Variants in PDE10A observed in about 807,000 individuals in gnomAD.
PDE10A encodes cAMP and cAMP-inhibited cGMP 3',5'-cyclic phosphodiesterase 10A.
PDE10A carries 39 observed loss-of-function variants against 97.7 expected under a neutral mutation model. That is an observed-to-expected ratio of 0.40 (90% CI 0.31 to 0.52). PDE10A has a LOEUF of 0.52. Among genes scored for constraint, PDE10A ranks in the 20% least tolerant of loss-of-function variants. The probability of loss-of-function intolerance (pLI) is 0.56; values close to 1 mark genes in which losing one functional copy is unlikely to be tolerated. For synonymous variants in PDE10A, 371 were observed against 376.8 expected, an observed-to-expected ratio of 0.98 and a Z score of 0.18; for missense variants, 731 against 1,047.8, an observed-to-expected ratio of 0.70 and a Z score of 4.17.
rs1351459802 is a variant in PDE10A, at chr6:165,581,987, T to C, written c.866-38419A>G. On this transcript the variant is annotated intron_variant, in intron 1 of 21. Coordinates refer to ENST00000539869, the MANE Select transcript of PDE10A (RefSeq NM_001385079.1). ...ATCCAACTATATGCTTATTTGTATA[T>C]TCAGTAACTATTTTTGAACACTAAC... Among the ~76,000 whole-genome samples the C allele has an allele frequency of 2.0e-5, 3 of 152,220 alleles. No homozygotes were observed. The East Asian group carries it at 5.8e-4, about 29-fold the overall frequency.
chr6:165,922,359 C>T (rs78824932), intron 1 of PDE10A, among the ~76,000 whole-genome samples: 6,957 of 152,196 alleles, frequency 0.046, 225 homozygotes, highest in Middle Eastern at 0.075. Context: ...GCCAGACCTT[C>T]CCCTGCTGTC....
In PDE10A at chr6:165,907,729, C is replaced by T. The variant is rs150439041; in HGVS notation, c.-615+79800G>A. ...CTCAGACCAGTGATGGGCCTCCCTG[C>T]AGCAGTGGGGAAAGGACCGTGGAAC... On this transcript the variant is annotated intron_variant, in intron 1 of 19. Transcript: ENST00000366882. Among the ~76,000 whole-genome samples, 46 of 152,324 alleles carry T rather than the reference C, an allele frequency of 3.0e-4. No individual in the cohort carries two copies. The East Asian group carries it at 6.4e-3, about 21-fold the overall frequency.
chr6:165,797,266 C>T (rs1778855820), intron 1 of PDE10A, among the ~76,000 whole-genome samples: 1 of 152,182 alleles, frequency 6.6e-6, no homozygotes, highest in Admixed American at 6.5e-5. Flanking sequence ...TTCAATCTCT[C>T]TATTGTGTAG....
intron 1 of PDE10A, among the ~76,000 whole-genome samples, chr6:165,613,748 TTAAAGA>T (rs1787602072): frequency 2.6e-5 from 4 of 152,314 alleles, no homozygotes; most frequent in South Asian, 2.1e-4. Context: ...AATATAAAAG[TTAAAGA>T]TAGAGTAATA....
At chr6:165,404,227 T>C (rs1348598186) in intron 13 of PDE10A, among the ~76,000 whole-genome samples, 2 of 152,150 alleles carry the variant, frequency 1.3e-5, no homozygotes, top group African/African-American at 2.4e-5. Context: ...GTGCTGTTTA[T>C]TTCATAGCAT....
intron 1 of PDE10A, among the ~76,000 whole-genome samples, chr6:165,635,431 A>G (rs1045906245): frequency 6.6e-6 from 1 of 152,116 alleles, no homozygotes; most frequent in African/African-American, 2.4e-5. Flanking sequence ...AAAATGTCAG[A>G]GATGGGGTTT....
chr6:165,573,073 C>T (rs1461221145), intron 1 of PDE10A, among the ~76,000 whole-genome samples: 1 of 152,114 alleles, frequency 6.6e-6, no homozygotes, highest in Non-Finnish European at 1.5e-5. Context: ...TTTAGATTTT[C>T]AGGTCTTTCA....
At chr6:165,425,621 G>A (rs1240114004) in intron 10 of PDE10A, among the ~76,000 whole-genome samples, 1 of 152,052 alleles carries the variant, frequency 6.6e-6, no homozygotes, top group Non-Finnish European at 1.5e-5. Flanking sequence ...TTGAGATCAG[G>A]AATGAGACAA....
intron 1 of PDE10A, chr6:165,660,249 G>A (rs1040325379): frequency 1.7e-4 from 26 of 152,524 alleles, no homozygotes; most frequent in African/African-American, 6.0e-4. Flanking sequence ...GTAGGGAAAA[G>A]TGCTTCTACT....
rs115213888 is a variant in PDE10A, at chr6:165,708,729, C to T, written c.-614-165161G>A. On this transcript the variant is annotated intron_variant, in intron 1 of 19. Transcript: ENST00000366882. ...ACCACTCTCTACCCCCATGCTGCGG[C>T]GCTCTGCCCCCACTCTCCACCGCCA... Among the ~76,000 whole-genome samples, 525 of 144,752 alleles carry T rather than the reference C, an allele frequency of 3.6e-3. 5 individuals carry two copies. Among genetic ancestry groups the T allele is most frequent in the African/African-American group, 0.013 (506 of 38,574 alleles). 95.0% of individuals were successfully genotyped at this position (144,752 alleles called of 152,430 possible). A position where few individuals can be genotyped will look rare whatever the true frequency, so the allele number is the denominator to read the frequency against.
intron 1 of PDE10A, among the ~76,000 whole-genome samples, chr6:165,846,785 C>A (rs966162140): frequency 2.0e-5 from 3 of 152,164 alleles, no homozygotes; most frequent in Non-Finnish European, 4.4e-5. Flanking sequence ...GGGAGTGAAG[C>A]CGAGCTAGCG....
chr6:165,945,904 G>A (rs1342440530), intron 1 of PDE10A, among the ~76,000 whole-genome samples: 1 of 152,168 alleles, frequency 6.6e-6, no homozygotes, highest in Non-Finnish European at 1.5e-5. Context: ...GTGTGTGATT[G>A]CACTTTAGCA....
intron 3 of PDE10A, among the ~76,000 whole-genome samples, chr6:165,469,313 T>C (rs1225048904): frequency 6.6e-6 from 1 of 152,194 alleles, no homozygotes; most frequent in Non-Finnish European, 1.5e-5. Context: ...ACTATTTCCA[T>C]ATAGCAGGGT....
intron 1 of PDE10A, among the ~76,000 whole-genome samples, chr6:165,709,872 C>T (rs963560725): frequency 6.6e-6 from 1 of 151,274 alleles, no homozygotes; most frequent in East Asian, 2.0e-4. Context: ...TTGCTTCACT[C>T]TTTTGCTTCA....
chr6:165,526,138 G>A (rs944457598), intron 2 of PDE10A, among the ~76,000 whole-genome samples: 4 of 152,132 alleles, frequency 2.6e-5, no homozygotes, highest in African/African-American at 9.7e-5. Flanking sequence ...CTTTTACCAA[G>A]GTAACTGTGT....
At chr6:165,799,609 C>T (rs1310660528) in intron 1 of PDE10A, among the ~76,000 whole-genome samples, 4 of 152,156 alleles carry the variant, frequency 2.6e-5, no homozygotes, top group Non-Finnish European at 5.9e-5. Flanking sequence ...GAATATGCAT[C>T]AAGCTTCTAT....
intron 1 of PDE10A, among the ~76,000 whole-genome samples, chr6:165,581,270 C>T (rs903587338): frequency 6.6e-6 from 1 of 152,118 alleles, no homozygotes; most frequent in African/African-American, 2.4e-5. Flanking sequence ...GAATGTGTCC[C>T]CCCAAAATTC....
At chr6:165,927,788 T>G (rs1180495128) in intron 1 of PDE10A, among the ~76,000 whole-genome samples, 2 of 149,538 alleles carry the variant, frequency 1.3e-5, no homozygotes, top group Non-Finnish European at 3.0e-5. Flanking sequence ...CCTCCACCTC[T>G]TGGGTTGAAG....
At chr6:165,787,626 AC>A (rs1353159554) in intron 1 of PDE10A, among the ~76,000 whole-genome samples, 1 of 152,226 alleles carries the variant, frequency 6.6e-6, no homozygotes, top group African/African-American at 2.4e-5. Context: ...AGGAGTGATT[AC>A]TCAGCAATGT....
Sources: allele counts gnomAD v4.1 joint callset (sites outside exome capture counted in the v4.1 genomes callset), GRCh38; gene constraint gnomAD v4.1.1; transcripts MANE v1.5; gene names NCBI Gene and HGNC (gene_info 2026-07-23, HGNC 2026-07-21).